The following AUTS2 variants were observed in gnomAD, a reference collection of about 807,000 sequenced individuals.
The protein encoded by AUTS2 is autism susceptibility gene 2 protein.
AUTS2 carries 17 observed loss-of-function variants against 112.4 expected under a neutral mutation model. That is an observed-to-expected ratio of 0.15 (90% CI 0.10 to 0.23). AUTS2 has a LOEUF of 0.23. Ranked by LOEUF, AUTS2 falls within the 10% of genes least tolerant of loss-of-function variation. AUTS2 has a pLI of 1.00. For synonymous variants in AUTS2, 751 were observed against 702.7 expected, an observed-to-expected ratio of 1.07 and a Z score of -1.09; for missense variants, 1,510 against 1,701.6, an observed-to-expected ratio of 0.89 and a Z score of 1.98.
chr7:70,068,903 C>T (rs960614037), intron 2 of AUTS2, among the ~76,000 whole-genome samples: 3 of 152,170 alleles, frequency 2.0e-5, no homozygotes, highest in Admixed American at 6.5e-5. Flanking sequence ...TGAGACCTTT[C>T]GATAAGTAGT....
intron 4 of AUTS2, among the ~76,000 whole-genome samples, chr7:70,400,451 AGAAG>A (rs2130118781): frequency 6.6e-6 from 1 of 152,278 alleles, no homozygotes; most frequent in East Asian, 1.9e-4. Flanking sequence ...ATGCAAATGG[AGAAG>A]GAAGGACATT....
rs1348796675 is a variant in AUTS2 at position 69,755,983 on chromosome 7, C to T, written c.310-143303C>T. On this transcript the variant is annotated intron_variant, in intron 1 of 18. Coordinates refer to ENST00000342771, the MANE Select transcript of AUTS2 (RefSeq NM_015570.4). Reference sequence around the variant, plus strand: ...TCATGATTTAACTGAGCCTTGCAAACAGGGACGATACTTTTCCTAACCCCC... The same window carrying T: ...TCATGATTTAACTGAGCCTTGCAAATAGGGACGATACTTTTCCTAACCCCC... Among the ~76,000 whole-genome samples, 4 of 152,208 alleles carry T rather than the reference C, an allele frequency of 2.6e-5. No individual in the cohort carries two copies. In the South Asian group the frequency reaches 8.3e-4, roughly 31 times the overall value.
Position 70,245,148 on chromosome 7 carries a change from A to G in AUTS2, c.660+110577A>G, listed in dbSNP as rs867972883. The stretch of plus-strand genomic sequence containing the variant: ...AAAAAAAAAAAGTGTGTGTGTGTAT[A>G]TATATATATATATATATATATAAAA... On this transcript the variant is annotated intron_variant, in intron 4 of 18. Transcript: ENST00000342771. 6.2e-4 allele frequency among the ~76,000 whole-genome samples: 78 copies of G among 126,534 alleles called. 1 individual carries two copies. Among genetic ancestry groups the G allele is most frequent in the East Asian group, 2.0e-3 (9 of 4,400 alleles). The allele number at this position is 126,534 out of a possible 152,430, so 83.0% of individuals were successfully genotyped here.
At chr7:70,563,983 G>C (rs974738613) in intron 5 of AUTS2, among the ~76,000 whole-genome samples, 3 of 152,052 alleles carry the variant, frequency 2.0e-5, no homozygotes, top group Non-Finnish European at 4.4e-5. Flanking sequence ...GTATTTTGTG[G>C]TTAGTTTCAA....
rs996224682 is a variant in AUTS2, at chr7:70,104,691, A to G, written c.523-13441A>G. On this transcript the variant is annotated intron_variant, in intron 2 of 18. Transcript: ENST00000342771. ...GTTTCTTGTCTTTTTTTGAGGGATAATCTGTAAAACTTTGATCTGTTTGGA... is the reference window on the plus strand; with the variant it reads ...GTTTCTTGTCTTTTTTTGAGGGATAGTCTGTAAAACTTTGATCTGTTTGGA... Among the ~76,000 whole-genome samples, 4 of 152,204 alleles carry G rather than the reference A, an allele frequency of 2.6e-5. No homozygotes were observed. The South Asian group carries it at 6.2e-4, about 24-fold the overall frequency.
intron 5 of AUTS2, among the ~76,000 whole-genome samples, chr7:70,688,749 A>G (rs907355053): frequency 6.6e-6 from 1 of 152,196 alleles, no homozygotes; most frequent in Non-Finnish European, 1.5e-5. Context: ...CCGTGAGCCT[A>G]GTAGTTGGAG....
chr7:69,778,363 T>A (rs1788989861), intron 1 of AUTS2, among the ~76,000 whole-genome samples: 1 of 151,716 alleles, frequency 6.6e-6, no homozygotes, highest in South Asian at 2.1e-4. Context: ...GCAGTTATTC[T>A]CAACCTTGGC....
chr7:69,998,762 G>A (rs1400730213), intron 2 of AUTS2, among the ~76,000 whole-genome samples: 1 of 152,136 alleles, frequency 6.6e-6, no homozygotes, highest in East Asian at 1.9e-4. Context: ...GAAGGTGAGG[G>A]ATACTATTTA....
chr7:69,804,510 A>T (rs1351281508), intron 1 of AUTS2, among the ~76,000 whole-genome samples: 1 of 152,166 alleles, frequency 6.6e-6, no homozygotes, highest in Non-Finnish European at 1.5e-5. Flanking sequence ...TCTACTTTCT[A>T]AGAGTCAGTA....
Position 70,766,457 on chromosome 7 carries a change from T to C in AUTS2, c.1689+123T>C. On this transcript the variant is annotated intron_variant, in intron 9 of 18. Transcript: ENST00000342771. This position sits in a 1 kb window ranked among gnomAD's most constrained non-coding sequence, Gnocchi z 4.8. ...CGAATGGGGACTGACGGCTGTTGGC[T>C]GGAGAGAAGGGAATGTGTCCTAGTG... is the stretch of plus-strand genomic sequence containing the variant. The C allele has an allele frequency of 7.8e-7, 1 of 1,276,950 alleles. No individual in the cohort carries two copies. The highest frequency in any genetic ancestry group is 1.1e-6 in the Non-Finnish European group (1 of 908,274). The allele number at this position is 1,276,950 out of a possible 1,614,324, so 79.1% of individuals were successfully genotyped here.
intron 4 of AUTS2, among the ~76,000 whole-genome samples, chr7:70,269,883 C>T (rs1281324971): frequency 1.3e-5 from 2 of 152,060 alleles, no homozygotes; most frequent in Non-Finnish European, 2.9e-5. Flanking sequence ...AAATAAAAAA[C>T]AGAATTGAGG....
intron 5 of AUTS2, among the ~76,000 whole-genome samples, chr7:70,646,004 A>G (rs569025010): frequency 2.0e-5 from 3 of 152,260 alleles, no homozygotes; most frequent in African/African-American, 7.2e-5. Context: ...CACCACCGTC[A>G]TGCTTTAGCG....
intron 2 of AUTS2, among the ~76,000 whole-genome samples, chr7:70,086,265 T>C (rs1201083385): frequency 1.3e-5 from 2 of 152,212 alleles, no homozygotes; most frequent in African/African-American, 4.8e-5. Context: ...AAAAAATTGA[T>C]ATCTTAGCAG....
intron 4 of AUTS2, among the ~76,000 whole-genome samples, chr7:70,258,983 G>A (rs1272132722): frequency 6.6e-6 from 1 of 152,188 alleles, no homozygotes; most frequent in African/African-American, 2.4e-5. Context: ...GCCCTCCAGA[G>A]TCTGGGAGGG....
intron 15 of AUTS2, 168 bp from the exon 16 acceptor site, chr7:70,784,762 AAAAAAAAAAAAC>A (rs1791326566): frequency 2.2e-4 from 97 of 436,058 alleles, no homozygotes; most frequent in Middle Eastern, 4.2e-4. Flanking sequence ...AAAAAAAAAA[AAAAAAAAAAAAC>A]ACACATTTTC....
chr7:69,913,272 T>C (rs1213924736), intron 2 of AUTS2, among the ~76,000 whole-genome samples: 5 of 152,242 alleles, frequency 3.3e-5, no homozygotes, highest in African/African-American at 9.6e-5. Context: ...CCAACTCTTA[T>C]GATCCTTTGT....
At chr7:70,085,768 T>G (rs932559737) in intron 2 of AUTS2, among the ~76,000 whole-genome samples, 2 of 152,238 alleles carry the variant, frequency 1.3e-5, no homozygotes, top group Non-Finnish European at 2.9e-5. Context: ...AATCAGTTGT[T>G]TATTTACATG....
rs549427523 is a variant in AUTS2 at position 69,718,926 on chromosome 7, T to C, written c.309+118964T>C. On this transcript the variant is annotated intron_variant, in intron 1 of 18. Transcript: ENST00000342771. ...CTTAAAGCCTCACTCTTCTTCATTG[T>C]GACAAAACCCCAGCCACTTAGTTTT... 4.6e-5 allele frequency among the ~76,000 whole-genome samples: 7 copies of C among 152,338 alleles called. No homozygotes were observed. In the East Asian group the frequency reaches 7.7e-4, roughly 17 times the overall value.
chr7:70,474,963 C>T (rs1164454209), intron 5 of AUTS2, among the ~76,000 whole-genome samples: 1 of 152,194 alleles, frequency 6.6e-6, no homozygotes, highest in African/African-American at 2.4e-5. Context: ...AACCTGTAAC[C>T]TTCCCAGAAT....
Sources: gnomAD v4.1 joint callset for allele counts (sites outside exome capture counted in the v4.1 genomes callset) on GRCh38, gnomAD v4.1.1 for gene constraint, Gnocchi (gnomAD v3.1) non-coding constraint, MANE v1.5 for transcripts, NCBI Gene and HGNC (gene_info 2026-07-23, HGNC 2026-07-21) for gene names.